NAV2: variants seen among roughly 807,000 people sequenced by gnomAD.
NAV2 encodes the protein helicase, APC down-regulated 1.
A neutral mutation model predicts 223.2 loss-of-function variants in NAV2; 54 were observed. The ratio of observed to expected loss-of-function variants is 0.24; its 90% confidence interval spans 0.19 to 0.30. The LOEUF is 0.30. Among genes scored for constraint, NAV2 ranks in the 10% least tolerant of loss-of-function variants. The pLI is 1.00. For synonymous variants in NAV2, 1,279 were observed against 1,239.3 expected (o/e 1.03, Z -0.67); for missense variants, 2,806 against 3,147.5 (o/e 0.89, Z 2.60).
At chr11:19,961,839 A>G (rs1375893450) in intron 10 of NAV2, among the ~76,000 whole-genome samples, 1 of 152,030 alleles carries the variant, frequency 6.6e-6, no homozygotes, top group African/African-American at 2.4e-5. Flanking sequence ...ATTTACGAAG[A>G]TGATGTCAGG....
intron 1 of NAV2, among the ~76,000 whole-genome samples, chr11:19,698,324 C>T (rs1184061970): frequency 6.6e-6 from 1 of 152,180 alleles, no homozygotes. Flanking sequence ...GTAAATGTGT[C>T]GGAGGCCCTC....
intron 10 of NAV2, among the ~76,000 whole-genome samples, chr11:19,960,036 G>A (rs2048222605): frequency 6.6e-6 from 1 of 152,166 alleles, no homozygotes; most frequent in African/African-American, 2.4e-5. Context: ...TAATCAACAT[G>A]ACCGAGACTC....
At chr11:19,449,539 G>C (rs1223443832) in intron 1 of NAV2, among the ~76,000 whole-genome samples, 2 of 148,372 alleles carry the variant, frequency 1.3e-5, no homozygotes, top group East Asian at 4.2e-4. Context: ...CCTCAGGCAG[G>C]GACCGCCACC....
At chr11:19,831,223 C>CGGG (rs56829857) in intron 1 of NAV2, among the ~76,000 whole-genome samples, 1 of 872 alleles carries the variant, frequency 1.1e-3, no homozygotes, top group African/African-American at 3.8e-3. Flanking sequence ...AGGAGTGTTG[C>CGGG]GGGGGGGGGG....
chr11:19,685,743 C>A (rs193034428), intron 1 of NAV2, among the ~76,000 whole-genome samples: 2 of 152,046 alleles, frequency 1.3e-5, no homozygotes, highest in African/African-American at 4.8e-5. Context: ...GGTAAACCTC[C>A]CTCCCTCTCT....
intron 1 of NAV2, among the ~76,000 whole-genome samples, chr11:19,600,708 G>C (rs559283513): frequency 6.6e-6 from 1 of 152,288 alleles, no homozygotes; most frequent in African/African-American, 2.4e-5. Context: ...CTACTTTGTA[G>C]TATTGTTTTT....
At chr11:19,990,130 T>C (rs1212182599) in intron 11 of NAV2, among the ~76,000 whole-genome samples, 1 of 152,208 alleles carries the variant, frequency 6.6e-6, no homozygotes, top group Non-Finnish European at 1.5e-5. Flanking sequence ...TCACCCCTTT[T>C]CTCATCACTG....
At chr11:20,038,842 T>G (rs924535886) in intron 12 of NAV2, among the ~76,000 whole-genome samples, 5 of 152,140 alleles carry the variant, frequency 3.3e-5, no homozygotes, top group African/African-American at 1.2e-4. Flanking sequence ...GAGAAATAAC[T>G]AAAGCATCTC....
intron 20 of NAV2, among the ~76,000 whole-genome samples, chr11:20,064,112 T>G (rs2058885751): frequency 6.6e-6 from 1 of 151,858 alleles, no homozygotes; most frequent in Admixed American, 6.6e-5. Context: ...TGGAGAGAGG[T>G]TTTTTAAGCC....
chr11:20,043,841 G>T, intron 12 of NAV2, 140 bp from the exon 13 acceptor site: 1 of 712,304 alleles, frequency 1.4e-6, no homozygotes, highest in Non-Finnish European at 2.3e-6. Context: ...GATAACCAGA[G>T]TACAAAAGTC....
chr11:19,561,248 C>T (rs751356677), intron 1 of NAV2, among the ~76,000 whole-genome samples: 3 of 152,144 alleles, frequency 2.0e-5, no homozygotes, highest in African/African-American at 4.8e-5. Context: ...GTTCACATGA[C>T]GGTACTGCTC....
intron 1 of NAV2, among the ~76,000 whole-genome samples, chr11:19,412,930 A>T (rs1233009536): frequency 1.3e-5 from 2 of 152,240 alleles, no homozygotes; most frequent in African/African-American, 4.8e-5. Flanking sequence ...GGTCACCAAC[A>T]TCAAAGACCA....
intron 10 of NAV2, among the ~76,000 whole-genome samples, chr11:19,959,670 C>T (rs548681707): frequency 6.6e-6 from 1 of 152,296 alleles, no homozygotes; most frequent in South Asian, 2.1e-4. Context: ...AAGTACTTAA[C>T]ATATTTCATG....
At chr11:19,593,779 C>G (rs1160544122) in intron 1 of NAV2, among the ~76,000 whole-genome samples, 1 of 152,100 alleles carries the variant, frequency 6.6e-6, no homozygotes, top group Non-Finnish European at 1.5e-5. Context: ...GACTTTCCAT[C>G]TCCCTAATAG....
At chr11:19,622,647 C>T (rs1260967769) in intron 1 of NAV2, among the ~76,000 whole-genome samples, 2 of 152,062 alleles carry the variant, frequency 1.3e-5, no homozygotes, top group Non-Finnish European at 2.9e-5. Context: ...TTATTTTGAG[C>T]CTATGTGTGT....
At chr11:19,630,757 T>A (rs562883020) in intron 1 of NAV2, among the ~76,000 whole-genome samples, 2 of 152,050 alleles carry the variant, frequency 1.3e-5, no homozygotes, top group South Asian at 2.1e-4. Context: ...ATGCCTATAG[T>A]CCCAGCTACT....
chr11:19,690,605 G>A (rs1008059781), intron 1 of NAV2, among the ~76,000 whole-genome samples: 12 of 152,332 alleles, frequency 7.9e-5, no homozygotes, highest in Admixed American at 2.0e-4. Flanking sequence ...AAAGGAGGCA[G>A]TGACAATGGG....
chr11:19,412,808 C>T (rs922848160), intron 1 of NAV2, among the ~76,000 whole-genome samples: 3 of 152,204 alleles, frequency 2.0e-5, no homozygotes, highest in Non-Finnish European at 4.4e-5. Flanking sequence ...CTCCAGCAAA[C>T]TCCAGCAGAC....
At chr11:19,420,621 T>C (rs1193472006) in intron 1 of NAV2, among the ~76,000 whole-genome samples, 2 of 152,192 alleles carry the variant, frequency 1.3e-5, no homozygotes, top group African/African-American at 4.8e-5. Flanking sequence ...GCAGACATAA[T>C]GTTGAACAAA....
Sources: gnomAD v4.1 joint callset for allele counts (sites outside exome capture counted in the v4.1 genomes callset) on GRCh38, gnomAD v4.1.1 for gene constraint, MANE v1.5 for transcripts, NCBI Gene and HGNC (gene_info 2026-07-23, HGNC 2026-07-21) for gene names.